The following AKAIN1 variants were observed in gnomAD, a reference collection of about 807,000 sequenced individuals.
The protein encoded by AKAIN1 is A-kinase anchor inhibitor 1, also known as A-kinase anchor protein inhibitor 1.
AKAIN1 carries 3 observed loss-of-function variants against 3.7 expected under a neutral mutation model. The ratio of observed to expected loss-of-function variants is 0.82; its 90% confidence interval spans 0.37 to 2.12. The LOEUF (loss-of-function observed/expected upper bound fraction) is 2.12. AKAIN1 is among the 30% of genes most tolerant of loss of function. AKAIN1 has a pLI of 0.06. For missense variants in AKAIN1, 82 were observed against 82.7 expected (o/e 0.99, Z 0.03); for synonymous variants, 31 against 30.8 (o/e 1.01, Z -0.02).
intron 1 of AKAIN1, among the ~76,000 whole-genome samples, chr18:5,192,395 TTC>T (rs922975647): frequency 1.9e-5 from 2 of 104,398 alleles, no homozygotes; most frequent in Admixed American, 9.8e-5. Flanking sequence ...TTTTCTTTCT[TTC>T]TTTCTTTCTT....
chr18:5,175,852 CA>C (rs1261252177), intron 1 of AKAIN1, among the ~76,000 whole-genome samples: 9 of 152,038 alleles, frequency 5.9e-5, no homozygotes, highest in African/African-American at 2.2e-4. Context: ...GCGGCAATTT[CA>C]AAACACCATG....
At chr18:5,157,077 T>C (rs1175782955) in intron 1 of AKAIN1, among the ~76,000 whole-genome samples, 2 of 152,212 alleles carry the variant, frequency 1.3e-5, no homozygotes, top group African/African-American at 4.8e-5. Context: ...TTAAGTATCA[T>C]GAAATATTTT....
intron 1 of AKAIN1, among the ~76,000 whole-genome samples, chr18:5,190,737 G>A (rs1307570924): frequency 6.6e-6 from 1 of 152,116 alleles, no homozygotes; most frequent in Admixed American, 6.5e-5. Flanking sequence ...CTGGTGTGTG[G>A]CTCTCTTCCT....
intron 1 of AKAIN1, among the ~76,000 whole-genome samples, chr18:5,162,014 C>T (rs2071142198): frequency 6.6e-6 from 1 of 151,878 alleles, no homozygotes; most frequent in South Asian, 2.1e-4. Flanking sequence ...GTACCACAGA[C>T]CAAAAACAAT....
At chr18:5,176,395 G>A (rs1456071612) in intron 1 of AKAIN1, among the ~76,000 whole-genome samples, 6 of 152,028 alleles carry the variant, frequency 3.9e-5, no homozygotes, top group African/African-American at 1.4e-4. Context: ...AGCCGAGATC[G>A]TGCCACTGCA....
chr18:5,182,760 T>C (rs2143023568), intron 1 of AKAIN1, among the ~76,000 whole-genome samples: 1 of 152,220 alleles, frequency 6.6e-6, no homozygotes, highest in South Asian at 2.1e-4. Flanking sequence ...TTAGGTCTTC[T>C]TAGTCTTCTA....
chr18:5,197,507 A>AAAAAAAAAAC (rs1180384217), upstream of AKAIN1: 42 of 1,223,452 alleles, frequency 3.4e-5, 5 homozygotes, highest in Non-Finnish European at 4.3e-5. This position sits in a 1 kb window ranked among gnomAD's most constrained non-coding sequence, Gnocchi z 6.9. Flanking sequence ...GATTTGTCAA[A>AAAAAAAAAAC]AAAAAAAAAC....
upstream of AKAIN1, chr18:5,197,472 G>C: frequency 9.4e-7 from 1 of 1,064,308 alleles, no homozygotes; most frequent in Non-Finnish European, 1.2e-6. This position sits in a 1 kb window ranked among gnomAD's most constrained non-coding sequence, Gnocchi z 6.9. Context: ...TCGTCGCCGT[G>C]GATATTGGAC....
intron 1 of AKAIN1, among the ~76,000 whole-genome samples, chr18:5,188,188 G>A (rs1011410614): frequency 4.6e-5 from 7 of 152,060 alleles, no homozygotes; most frequent in African/African-American, 1.7e-4. Context: ...CATGGTTTTG[G>A]TGGGCTCAGT....
At position 5,197,223 on chromosome 18, in the gene AKAIN1, G is replaced by A. The variant is rs888995027; in HGVS notation, c.-170C>T. On this transcript the variant is annotated 5_prime_UTR_variant, in exon 1 of 2. Transcript: ENST00000434239. This position sits in a 1 kb window ranked among gnomAD's most constrained non-coding sequence, Gnocchi z 6.9. ...CCCGCCGCTAGATCCTGGGGCCGCA[G>A]CTCCAGCCGCCGCCGCGCGCTCTGC... 3 of 1,388,594 alleles carry A rather than the reference G, an allele frequency of 2.2e-6. No individual in the cohort carries two copies. The African/African-American group carries it at 4.6e-5, about 21-fold the overall frequency. The allele number at this position is 1,388,594 out of a possible 1,614,324, so 86.0% of individuals were successfully genotyped here.
chr18:5,165,167 T>C (rs941316056), intron 1 of AKAIN1, among the ~76,000 whole-genome samples: 3 of 152,076 alleles, frequency 2.0e-5, no homozygotes, highest in Non-Finnish European at 4.4e-5. Context: ...TTAAAAGAGA[T>C]AGAGGAACCC....
chr18:5,176,864 T>A (rs575068950), intron 1 of AKAIN1, among the ~76,000 whole-genome samples: 2 of 151,816 alleles, frequency 1.3e-5, no homozygotes, highest in Non-Finnish European at 3.0e-5. Flanking sequence ...GAAATTCTAA[T>A]TCTAAGAAAA....
intron 1 of AKAIN1, among the ~76,000 whole-genome samples, chr18:5,192,386 T>TTTCTTTCTTTCTTTCC (rs2071323892): frequency 8.2e-5 from 1 of 12,124 alleles, no homozygotes; most frequent in African/African-American, 2.9e-4. Context: ...CAGAGCTAAT[T>TTTCTTTCTTTCTTTCC]TTCTTTCTTT....
chr18:5,164,804 C>A (rs1268151054), intron 1 of AKAIN1, among the ~76,000 whole-genome samples: 1 of 152,044 alleles, frequency 6.6e-6, no homozygotes, highest in African/African-American at 2.4e-5. Flanking sequence ...ATTTATATCA[C>A]CCCCACACAA....
chr18:5,192,385 T>TTTTTTCTTTC, intron 1 of AKAIN1, among the ~76,000 whole-genome samples: 1 of 107,074 alleles, frequency 9.3e-6, no homozygotes, highest in South Asian at 3.5e-4. Context: ...ACAGAGCTAA[T>TTTTTTCTTTC]TTTCTTTCTT....
chr18:5,179,093 G>A (rs2085493055), intron 1 of AKAIN1, among the ~76,000 whole-genome samples: 2 of 152,066 alleles, frequency 1.3e-5, no homozygotes, highest in South Asian at 4.1e-4. Flanking sequence ...GTGCAATTTT[G>A]TTACAAGAAT....
chr18:5,188,277 G>C lies in AKAIN1; in HGVS notation c.16+8761C>G, dbSNP rs1022763828. Among the ~76,000 whole-genome samples the C allele has an allele frequency of 2.0e-5, 3 of 151,990 alleles. No homozygotes were observed. The East Asian group carries it at 5.8e-4, about 29-fold the overall frequency. On this transcript the variant is annotated intron_variant, in intron 1 of 1. Transcript: ENST00000434239. ...GGCATTTTATGCTGGTAACCCTACA[G>C]TTCTGTGGTCTCAGGGGTGGCCTCA... is the stretch of plus-strand genomic sequence containing the variant.
intron 1 of AKAIN1, among the ~76,000 whole-genome samples, chr18:5,153,274 G>A (rs1485772973): frequency 6.6e-6 from 1 of 151,500 alleles, no homozygotes; most frequent in Non-Finnish European, 1.5e-5. Context: ...TTTTACTCTA[G>A]GAATCAAGAT....
intron 1 of AKAIN1, among the ~76,000 whole-genome samples, chr18:5,169,843 T>G: frequency 6.6e-6 from 1 of 152,160 alleles, no homozygotes; most frequent in South Asian, 2.1e-4. Flanking sequence ...ACAAAATGAT[T>G]TTTATCTCAT....
Sources: gnomAD v4.1 joint callset for allele counts (sites outside exome capture counted in the v4.1 genomes callset) on GRCh38, gnomAD v4.1.1 for gene constraint, Gnocchi (gnomAD v3.1) non-coding constraint, MANE v1.5 for transcripts, NCBI Gene and HGNC (gene_info 2026-07-23, HGNC 2026-07-21) for gene names.